Variants in ZNF366 observed in about 807,000 individuals in gnomAD.
ZNF366 encodes the protein zinc finger protein 366, also known as dendritic cell-specific transcript protein.
Under a neutral mutation model 47.2 loss-of-function variants are expected in ZNF366, and 20 were observed. That is an observed-to-expected ratio of 0.42 (90% CI 0.30 to 0.62). The LOEUF (loss-of-function observed/expected upper bound fraction) is 0.62. ZNF366 is among the 20% of genes least tolerant of loss of function. The probability of loss-of-function intolerance (pLI) is 0.16; values close to 1 mark genes in which losing one functional copy is unlikely to be tolerated. For missense variants in ZNF366, 987 were observed against 976.3 expected, an observed-to-expected ratio of 1.01 and a Z score of -0.15; for synonymous variants, 421 against 395.1, an observed-to-expected ratio of 1.07 and a Z score of -0.78.
Position 72,441,945 on chromosome 5 carries a change from G to C in ZNF366, c.*1811C>G, listed in dbSNP as rs1384825348. ...TCAGTGCCAGTGCCTAAGTAAGTCT[G>C]ACCTGCTGGGCCCATCCCACCCAAT... On this transcript the variant is annotated 3_prime_UTR_variant, in exon 5 of 5. Coordinates refer to ENST00000318442, the MANE Select transcript of ZNF366 (RefSeq NM_152625.3). 1 of 152,138 alleles carries C rather than the reference G, an allele frequency of 6.6e-6. No homozygotes were observed. The highest frequency in any genetic ancestry group is 1.5e-5 in the Non-Finnish European group (1 of 68,034). The allele number at this position is 152,138 out of a possible 1,614,324, so 9.4% of individuals were successfully genotyped here. A position where few individuals can be genotyped will look rare whatever the true frequency, so the allele number is the denominator to read the frequency against.
chr5:72,449,380 G>A (rs1743018654), intron 3 of ZNF366, among the ~76,000 whole-genome samples: 1 of 151,998 alleles, frequency 6.6e-6, no homozygotes, highest in African/African-American at 2.4e-5. Flanking sequence ...CAAGTAGCTG[G>A]GACTACAGGC....
At chr5:72,448,633 A>T (rs912353767) in intron 3 of ZNF366, among the ~76,000 whole-genome samples, 2 of 152,206 alleles carry the variant, frequency 1.3e-5, no homozygotes, top group Non-Finnish European at 2.9e-5. Flanking sequence ...GAGAGAGGCC[A>T]CAGAGACACT....
chr5:72,443,025 C>T lies in ZNF366; in HGVS notation c.*731G>A, dbSNP rs752542549. On this transcript the variant is annotated 3_prime_UTR_variant, in exon 5 of 5. Coordinates refer to ENST00000318442, the MANE Select transcript of ZNF366 (RefSeq NM_152625.3). ...ACAGCAATGGTCTCCAGGAGGGAGC[C>T]GTGCTCGAGAAGTGAGGGTTTGTCT... 1.3e-5 allele frequency: 2 copies of T among 152,268 alleles called. No homozygotes were observed. Among genetic ancestry groups the T allele is most frequent in the East Asian group, 1.9e-4 (1 of 5,192 alleles). The allele number at this position is 152,268 out of a possible 1,614,324, so 9.4% of individuals were successfully genotyped here.
intron 1 of ZNF366, among the ~76,000 whole-genome samples, chr5:72,466,114 G>A (rs895406873): frequency 6.6e-6 from 1 of 152,136 alleles, no homozygotes; most frequent in Non-Finnish European, 1.5e-5. Flanking sequence ...TGGCATCTGG[G>A]CCTCTGCCTT....
Position 72,507,393 on chromosome 5 carries a change from G to C in ZNF366, c.-157C>G. The C allele has an allele frequency of 1.0e-6, 1 of 985,296 alleles. No individual in the cohort carries two copies. Among genetic ancestry groups the C allele is most frequent in the Non-Finnish European group, 1.2e-6 (1 of 829,924 alleles). The allele number at this position is 985,296 out of a possible 1,614,324, so 61.0% of individuals were successfully genotyped here. A position where few individuals can be genotyped will look rare whatever the true frequency, so the allele number is the denominator to read the frequency against. ...AAAGAACTCGCAGGGACAGTGTTTC[G>C]AATGACTTAAGAAAGAGAACAGGAA... On this transcript the variant is annotated 5_prime_UTR_variant, in exon 1 of 5. Transcript: ENST00000318442.
chr5:72,502,230 C>T (rs1276638164), intron 1 of ZNF366, among the ~76,000 whole-genome samples: 1 of 152,196 alleles, frequency 6.6e-6, no homozygotes. Context: ...ATGCTGCTTC[C>T]TTTCTTGTGA....
chr5:72,503,533 ACACACACACACACACACACACACG>A (rs983485095), intron 1 of ZNF366, among the ~76,000 whole-genome samples: 3 of 93,832 alleles, frequency 3.2e-5, no homozygotes, highest in African/African-American at 1.1e-4. Flanking sequence ...ATTCTAATAC[ACACACACACACACACACACACACG>A]CACACCTCGA....
At chr5:72,486,923 G>A (rs750957730) in intron 1 of ZNF366, among the ~76,000 whole-genome samples, 4 of 151,892 alleles carry the variant, frequency 2.6e-5, no homozygotes, top group Admixed American at 6.6e-5. Flanking sequence ...GATTACAGGC[G>A]CCTGCCACCA....
At chr5:72,480,260 G>A (rs905346209) in intron 1 of ZNF366, among the ~76,000 whole-genome samples, 3 of 152,084 alleles carry the variant, frequency 2.0e-5, no homozygotes, top group African/African-American at 7.2e-5. Context: ...GACACTGAGG[G>A]GCCTATTCTG....
intron 1 of ZNF366, among the ~76,000 whole-genome samples, chr5:72,485,422 T>C (rs983020204): frequency 4.6e-5 from 7 of 152,224 alleles, no homozygotes; most frequent in African/African-American, 1.7e-4. Context: ...CCCAGTTCAC[T>C]AATGTGTTCT....
At chr5:72,475,215 G>T (rs140100906) in intron 1 of ZNF366, among the ~76,000 whole-genome samples, 1 of 152,166 alleles carries the variant, frequency 6.6e-6, no homozygotes, top group African/African-American at 2.4e-5. Flanking sequence ...TTCCTGTAGG[G>T]CTCAGGGACC....
chr5:72,484,495 A>AAAAAAAAAAAAAAAAAAATAAT (rs1313925109), intron 1 of ZNF366, among the ~76,000 whole-genome samples: 2 of 145,824 alleles, frequency 1.4e-5, no homozygotes, highest in African/African-American at 5.1e-5. Context: ...AAAAAAAAAA[A>AAAAAAAAAAAAAAAAAAATAAT]AATAATAATA....
intron 2 of ZNF366, among the ~76,000 whole-genome samples, chr5:72,458,942 C>T (rs1307592186): frequency 1.3e-5 from 2 of 152,176 alleles, no homozygotes; most frequent in Admixed American, 6.5e-5. Flanking sequence ...ACTTTTGATT[C>T]CTTTCCCACA....
At position 72,443,938 on chromosome 5, in the gene ZNF366, C is replaced by A; in HGVS notation, c.2053G>T (p.Ala685Ser). The change falls in exon 5 of 5, where the codon GCA becomes TCA. Residue 685 changes from alanine to serine, a missense_variant. Transcript: ENST00000318442. ...WEKRSKGDLG[A>S]EGGQERDCAG... Reference sequence around the variant, plus strand: ...CAGTCTCTCTCCTGGCCGCCCTCTGCCCCAAGGTCACCCTTGCTCCTCTTC... The same window carrying A: ...CAGTCTCTCTCCTGGCCGCCCTCTGACCCAAGGTCACCCTTGCTCCTCTTC... The A allele has an allele frequency of 6.2e-7, 1 of 1,614,202 alleles. No homozygotes were observed. The highest frequency in any genetic ancestry group is 8.5e-7 in the Non-Finnish European group (1 of 1,180,040).
intron 1 of ZNF366, among the ~76,000 whole-genome samples, chr5:72,501,738 G>A (rs1171902526): frequency 6.6e-6 from 1 of 152,156 alleles, no homozygotes; most frequent in Non-Finnish European, 1.5e-5. Context: ...TTTAGTCAAG[G>A]AAAAACAAAT....
chr5:72,466,700 G>A (rs546039007), intron 1 of ZNF366, among the ~76,000 whole-genome samples: 80 of 152,348 alleles, frequency 5.3e-4, no homozygotes, highest in Admixed American at 2.6e-3. Flanking sequence ...GTTTTAAAAG[G>A]TATAATTTTA....
At chr5:72,486,377 G>T (rs111778108) in intron 1 of ZNF366, among the ~76,000 whole-genome samples, 3 of 152,204 alleles carry the variant, frequency 2.0e-5, no homozygotes, top group African/African-American at 7.2e-5. Context: ...CTTGCACTCA[G>T]ATTGGCTGCC....
At chr5:72,445,474 A>T (rs1418553608) in intron 4 of ZNF366, among the ~76,000 whole-genome samples, 1 of 152,204 alleles carries the variant, frequency 6.6e-6, no homozygotes, top group Non-Finnish European at 1.5e-5. Context: ...GACAGGAAAG[A>T]TCTTTTTAAT....
chr5:72,480,404 A>T (rs147026340), intron 1 of ZNF366, among the ~76,000 whole-genome samples: 92 of 151,874 alleles, frequency 6.1e-4, no homozygotes, highest in African/African-American at 2.1e-3. Flanking sequence ...GAACTTTTCG[A>T]CTTTTAGTGG....
Sources: allele counts gnomAD v4.1 joint callset (sites outside exome capture counted in the v4.1 genomes callset), GRCh38; gene constraint gnomAD v4.1.1; transcripts MANE v1.5; gene names NCBI Gene and HGNC (gene_info 2026-07-23, HGNC 2026-07-21).